The following NEURL1 variants were observed in gnomAD, a reference collection of about 807,000 sequenced individuals.
NEURL1 encodes the protein neuralized E3 ubiquitin protein ligase 1, also known as E3 ubiquitin-protein ligase NEURL1.
Under a neutral mutation model 41.2 loss-of-function variants are expected in NEURL1, and 26 were observed. That is an observed-to-expected ratio of 0.63 (90% CI 0.46 to 0.87). The LOEUF (loss-of-function observed/expected upper bound fraction) is 0.87, where lower values mean the gene tolerates loss of function less well. Among genes scored for constraint, NEURL1 ranks in the 40% least tolerant of loss-of-function variants. The pLI, the probability that NEURL1 is intolerant of heterozygous loss-of-function variation, is 0.00. For missense variants in NEURL1, 761 were observed against 871.1 expected (o/e 0.87, Z 1.59); for synonymous variants, 400 against 402.3 (o/e 0.99, Z 0.07).
intron 4 of NEURL1, among the ~76,000 whole-genome samples, chr10:103,585,563 G>T (rs2035902828): frequency 6.6e-6 from 1 of 152,184 alleles, no homozygotes; most frequent in South Asian, 2.1e-4. Context: ...GGCCAGGTGC[G>T]GTGGCTCACG....
intron 1 of NEURL1, among the ~76,000 whole-genome samples, chr10:103,548,294 T>C (rs961293414): frequency 3.9e-5 from 6 of 152,110 alleles, no homozygotes; most frequent in African/African-American, 1.4e-4. Context: ...TTAAAGCAGG[T>C]CTTCTATTTC....
At chr10:103,501,498 C>A (rs1465639107) in intron 1 of NEURL1, among the ~76,000 whole-genome samples, 1 of 151,914 alleles carries the variant, frequency 6.6e-6, no homozygotes, top group Non-Finnish European at 1.5e-5. Flanking sequence ...GAAAAAAAAA[C>A]AACAAAAACC....
chr10:103,494,131 C>A lies in NEURL1; in HGVS notation c.-257C>A. On this transcript the variant is annotated 5_prime_UTR_variant, in exon 1 of 6. Coordinates refer to ENST00000369780, the MANE Select transcript of NEURL1 (RefSeq NM_004210.5). ...CCCCGGCCCAGGGCCCTGCTTGTGG[C>A]CCCCGCTCCCGCCACGGGGCATGGG... The A allele has an allele frequency of 2.5e-6, 1 of 397,906 alleles. No individual in the cohort carries two copies. The highest frequency in any genetic ancestry group is 4.5e-6 in the Non-Finnish European group (1 of 222,852). The allele number at this position is 397,906 out of a possible 1,614,324, so 24.6% of individuals were successfully genotyped here.
At chr10:103,565,331 A>G (rs1001916542) in intron 1 of NEURL1, among the ~76,000 whole-genome samples, 1 of 152,174 alleles carries the variant, frequency 6.6e-6, no homozygotes, top group Admixed American at 6.5e-5. Context: ...TACAGACAGA[A>G]GGGGCTGAGG....
rs1326604556 is a variant in NEURL1, at chr10:103,556,589, A to G, written c.86-14283A>G. ...CCTTCCAGGCTCTGGACTTTGGGAG[A>G]GTAATTTCTAATTAAAAAAGAAAAA... On this transcript the variant is annotated intron_variant, in intron 1 of 5. Coordinates refer to ENST00000369780, the MANE Select transcript of NEURL1 (RefSeq NM_004210.5). This position sits in a 1 kb window ranked among gnomAD's most constrained non-coding sequence, Gnocchi z 4.4. Among the ~76,000 whole-genome samples the G allele has an allele frequency of 6.6e-6, 1 of 152,224 alleles. No homozygotes were observed.
rs145588698 is a variant in NEURL1, at chr10:103,523,197, G to A, written c.85+28725G>A. Among the ~76,000 whole-genome samples, 1,234 of 152,194 alleles carry A rather than the reference G, an allele frequency of 8.1e-3. 14 individuals are homozygous for A. The highest frequency in any genetic ancestry group is 0.028 in the African/African-American group (1,163 of 41,502). ...GAGCCAGGCTTGGTGGCTCAAGCTT[G>A]TAATCCCAACACTTTGGGAAGCTGA... is the stretch of plus-strand genomic sequence containing the variant. On this transcript the variant is annotated intron_variant, in intron 1 of 5. Transcript: ENST00000369780.
chr10:103,502,685 A>G (rs974685825), intron 1 of NEURL1, among the ~76,000 whole-genome samples: 1 of 152,252 alleles, frequency 6.6e-6, no homozygotes, highest in Non-Finnish European at 1.5e-5. Context: ...AGGTGTGCAC[A>G]GTGAGGCACA....
chr10:103,557,037 G>T (rs2133870372), intron 1 of NEURL1, among the ~76,000 whole-genome samples: 1 of 152,292 alleles, frequency 6.6e-6, no homozygotes, highest in Middle Eastern at 3.4e-3. Context: ...TCATGCTCTG[G>T]GAGTGGGTAG....
intron 1 of NEURL1, among the ~76,000 whole-genome samples, chr10:103,507,305 G>A (rs1182348824): frequency 6.6e-6 from 1 of 152,164 alleles, no homozygotes; most frequent in Non-Finnish European, 1.5e-5. Context: ...TCACTGAAGA[G>A]CCTTAAACAG....
chr10:103,507,861 T>TACAGGTGG (rs2033984351), intron 1 of NEURL1, among the ~76,000 whole-genome samples: 1 of 152,168 alleles, frequency 6.6e-6, no homozygotes, highest in African/African-American at 2.4e-5. Context: ...AGCCAGGCTC[T>TACAGGTGG]CTCAGGTGGC....
chr10:103,584,771 T>C lies in NEURL1; in HGVS notation c.885T>C (p.Arg295=). 3.0e-5 allele frequency: 43 copies of C among 1,448,672 alleles called. No individual in the cohort carries two copies. Among genetic ancestry groups the C allele is most frequent in the Non-Finnish European group, 3.7e-5 (41 of 1,104,874 alleles). 89.7% of individuals were successfully genotyped at this position (1,448,672 alleles called of 1,614,324 possible). ...CGGCGCAGCTCGACGGCGACCTGCGTTTCCACGCCCTGCGCGCCGGCGCGC... is the reference window on the plus strand; with the variant it reads ...CGGCGCAGCTCGACGGCGACCTGCGCTTCCACGCCCTGCGCGCCGGCGCGC... The part of the protein sequence containing the change: ...ALPAQLDGDL[R]FHALRAGAHV... The change falls in exon 4 of 6, where the codon CGT becomes CGC. Residue 295 remains arginine (R), a synonymous_variant. Coordinates refer to ENST00000369780, the MANE Select transcript of NEURL1 (RefSeq NM_004210.5).
intron 1 of NEURL1, among the ~76,000 whole-genome samples, chr10:103,495,965 G>A (rs537397647): frequency 3.9e-5 from 6 of 152,250 alleles, no homozygotes; most frequent in Admixed American, 1.3e-4. Context: ...AAAATTAGCC[G>A]GGCATAGTGG....
chr10:103,526,672 C>G (rs9419956), intron 1 of NEURL1, among the ~76,000 whole-genome samples: 1 of 151,488 alleles, frequency 6.6e-6, no homozygotes, highest in Non-Finnish European at 1.5e-5. Flanking sequence ...CCACCATGCC[C>G]GGGTAATTTT....
chr10:103,590,603 T>C lies in NEURL1; in HGVS notation c.*231T>C, dbSNP rs977446603. 5.3e-6 allele frequency: 3 copies of C among 566,744 alleles called. No homozygotes were observed. The highest frequency in any genetic ancestry group is 3.0e-5 in the East Asian group (1 of 33,566). 35.1% of individuals were successfully genotyped at this position (566,744 alleles called of 1,614,324 possible). A position where few individuals can be genotyped will look rare whatever the true frequency, so the allele number is the denominator to read the frequency against. On this transcript the variant is annotated 3_prime_UTR_variant, in exon 6 of 6. Coordinates refer to ENST00000369780, the MANE Select transcript of NEURL1 (RefSeq NM_004210.5). ...GAGGGGAGGAGAGGAGGCCGCACTC[T>C]CCCTGTCTCTCCCGTCTCTGCACCC...
At chr10:103,575,857 G>T (rs1592236118) in intron 3 of NEURL1, among the ~76,000 whole-genome samples, 1 of 152,358 alleles carries the variant, frequency 6.6e-6, no homozygotes, top group East Asian at 1.9e-4. Context: ...CAGGTTTTAT[G>T]GGGTGATTAA....
rs866847325 is a variant in NEURL1, at chr10:103,584,699, C to T, written c.813C>T (p.Cys271=). The change falls in exon 4 of 6, where the codon TGC becomes TGT. Residue 271 remains cysteine, a synonymous_variant. Coordinates refer to ENST00000369780, the MANE Select transcript of NEURL1 (RefSeq NM_004210.5). ...DGDEAAPAAG[C]PIPQNSLNSQ... is the part of the protein sequence containing the mutation. ...ACGAGGCCGCGCCGGCCGCCGGCTG[C>T]CCCATCCCGCAGAACTCACTCAACT... is the stretch of plus-strand genomic sequence containing the variant. 2 of 1,452,122 alleles carry T rather than the reference C, an allele frequency of 1.4e-6. No individual in the cohort carries two copies. Among genetic ancestry groups the T allele is most frequent in the Non-Finnish European group, 9.0e-7 (1 of 1,107,798 alleles). The allele number at this position is 1,452,122 out of a possible 1,614,324, so 90.0% of individuals were successfully genotyped here. A position where few individuals can be genotyped will look rare whatever the true frequency, so the allele number is the denominator to read the frequency against.
At position 103,545,169 on chromosome 10, in the gene NEURL1, C is replaced by T. The variant is rs536992577; in HGVS notation, c.86-25703C>T. On this transcript the variant is annotated intron_variant, in intron 1 of 5. Transcript: ENST00000369780. The surrounding 1 kb of genome is among the most constrained non-coding windows in gnomAD (Gnocchi z 4.5). ...TGCAGGGAACAGCTAGGAGCTAGAG[C>T]GGTGGGTTTCTGTCATTGCAGTCAC... Among the ~76,000 whole-genome samples, 4 of 152,314 alleles carry T rather than the reference C, an allele frequency of 2.6e-5. No homozygotes were observed. Among genetic ancestry groups the T allele is most frequent in the Non-Finnish European group, 4.4e-5 (3 of 68,026 alleles).
Position 103,539,572 on chromosome 10 carries a change from G to A in NEURL1, c.86-31300G>A, listed in dbSNP as rs143942686. Among the ~76,000 whole-genome samples, 634 of 152,292 alleles carry A rather than the reference G, an allele frequency of 4.2e-3. 5 individuals are homozygous for A. The highest frequency in any genetic ancestry group is 0.014 in the African/African-American group (592 of 41,540). ...CATTATGGGTGGCAGTTCAGCTGGA[G>A]GGAGCAAAGGGGTGTGTGGGGACAC... is the stretch of plus-strand genomic sequence containing the variant. On this transcript the variant is annotated intron_variant, in intron 1 of 5. Coordinates refer to ENST00000369780, the MANE Select transcript of NEURL1 (RefSeq NM_004210.5).
At chr10:103,533,138 A>G (rs1323818029) in intron 1 of NEURL1, among the ~76,000 whole-genome samples, 2 of 151,784 alleles carry the variant, frequency 1.3e-5, no homozygotes, top group African/African-American at 4.8e-5. Context: ...CATGTTAGCC[A>G]GGATGGTGTC....
Sources: gnomAD v4.1 joint callset for allele counts (sites outside exome capture counted in the v4.1 genomes callset) on GRCh38, gnomAD v4.1.1 for gene constraint, Gnocchi (gnomAD v3.1) non-coding constraint, MANE v1.5 for transcripts, NCBI Gene and HGNC (gene_info 2026-07-23, HGNC 2026-07-21) for gene names.